The following NFASC variants were observed in gnomAD, a reference collection of about 807,000 sequenced individuals.
The protein encoded by NFASC is neurofascin homolog.
In NFASC, 43 loss-of-function variants were observed where a neutral mutation model predicts 147.5. That is an observed-to-expected ratio of 0.29 (90% confidence interval 0.23 to 0.38). The LOEUF (loss-of-function observed/expected upper bound fraction) is 0.38, where lower values mean the gene tolerates loss of function less well. Among genes scored for constraint, NFASC ranks in the 10% least tolerant of loss-of-function variants. NFASC has a pLI of 1.00. For missense variants in NFASC, 1,320 were observed against 1,689.0 expected (o/e 0.78, Z 3.83); for synonymous variants, 622 against 665.5 (o/e 0.93, Z 1.01).
intron 25 of NFASC, chr1:204,999,409 T>C (rs1220248271): frequency 6.6e-6 from 1 of 152,200 alleles, no homozygotes; most frequent in African/African-American, 2.4e-5. Flanking sequence ...CAATTTCATA[T>C]TGGTGGCCAG....
At chr1:204,888,914 G>A (rs904813295) in intron 1 of NFASC, among the ~76,000 whole-genome samples, 9 of 152,178 alleles carry the variant, frequency 5.9e-5, no homozygotes, top group African/African-American at 2.2e-4. Context: ...AGAGTTAGAG[G>A]AGGCAATGGG....
Position 204,981,670 on chromosome 1 carries a change from C to T in NFASC, c.2248-128C>T, listed in dbSNP as rs72753420. On this transcript the variant is annotated intron_variant, in intron 20 of 29. Coordinates refer to ENST00000339876, the MANE Select transcript of NFASC (RefSeq NM_001005388.3). ...GGTGGGGGATATGGTCTTCCCTACCCTGCAAGGGGGCAGGCCAGTGTTGGG... is the reference window on the plus strand; with the variant it reads ...GGTGGGGGATATGGTCTTCCCTACCTTGCAAGGGGGCAGGCCAGTGTTGGG... The T allele has an allele frequency of 6.6e-3, 3,719 of 563,352 alleles. 31 individuals carry two copies. The highest frequency in any genetic ancestry group is 0.014 in the East Asian group (408 of 29,688). 34.9% of individuals were successfully genotyped at this position (563,352 alleles called of 1,614,324 possible). A position where few individuals can be genotyped will look rare whatever the true frequency, so the allele number is the denominator to read the frequency against.
intron 7 of NFASC, among the ~76,000 whole-genome samples, chr1:204,957,126 A>C (rs1352340344): frequency 6.6e-6 from 1 of 152,258 alleles, no homozygotes; most frequent in Non-Finnish European, 1.5e-5. Context: ...ATAATTGATG[A>C]TTACATTTTT....
In NFASC at chr1:205,020,403, A is replaced by G. The variant is rs1184976148; in HGVS notation, c.*3864A>G. The G allele has an allele frequency of 6.6e-6, 1 of 152,320 alleles. No homozygotes were observed. Among genetic ancestry groups the G allele is most frequent in the Non-Finnish European group, 1.5e-5 (1 of 68,076 alleles). The allele number at this position is 152,320 out of a possible 1,614,324, so 9.4% of individuals were successfully genotyped here. On this transcript the variant is annotated 3_prime_UTR_variant, in exon 30 of 30. Coordinates refer to ENST00000339876, the MANE Select transcript of NFASC (RefSeq NM_001005388.3). ...TCCAAGGGATAGCGATCCAGATTCCAACATTGTCTTGGAGAGGGTTAGTCC... is the reference window on the plus strand; with the variant it reads ...TCCAAGGGATAGCGATCCAGATTCCGACATTGTCTTGGAGAGGGTTAGTCC...
chr1:204,981,874 C>A lies in NFASC; in HGVS notation c.2324C>A (p.Ala775Asp), dbSNP rs981501899. 2 of 1,606,258 alleles carry A rather than the reference C, an allele frequency of 1.2e-6. No homozygotes were observed. The highest frequency in any genetic ancestry group is 1.7e-6 in the Non-Finnish European group (2 of 1,176,508). Residue 775 changes from alanine (A) to aspartate (D), a missense_variant, in exon 21 of 30, where the codon GCC becomes GAC. Transcript: ENST00000339876. The stretch of plus-strand genomic sequence containing the variant: ...TGGAGGCGGAGAGAGACTCGAGAGG[C>A]CTGGAACAACGTCACAGTGTGGGGC... ...VKWRRRETRE[A>D]WNNVTVWGSR...
intron 25 of NFASC, chr1:204,999,960 T>G (rs1574352822): frequency 6.6e-6 from 1 of 152,230 alleles, no homozygotes; most frequent in South Asian, 2.1e-4. Context: ...ATTAAATCTT[T>G]GCTGGAAAAT....
chr1:204,928,000 G>C (rs1464339653), intron 2 of NFASC, among the ~76,000 whole-genome samples: 1 of 152,184 alleles, frequency 6.6e-6, no homozygotes. Flanking sequence ...CCTCCCCAGA[G>C]GGGGGAGTTC....
Position 204,987,311 on chromosome 1 carries a change from G to T in NFASC, c.2471-107G>T, listed in dbSNP as rs2095636055. 3.7e-6 allele frequency: 4 copies of T among 1,076,416 alleles called. No individual in the cohort carries two copies. Among genetic ancestry groups the T allele is most frequent in the Non-Finnish European group, 5.5e-6 (4 of 730,702 alleles). 66.7% of individuals were successfully genotyped at this position (1,076,416 alleles called of 1,614,324 possible). ...CAGTTTAGCAGTGTCGAGCATGGGG[G>T]TTGTCCAGAGGTCAATGCCTTCATA... On this transcript the variant is annotated intron_variant, in intron 21 of 29. Coordinates refer to ENST00000339876, the MANE Select transcript of NFASC (RefSeq NM_001005388.3). The surrounding 1 kb of genome is among the most constrained non-coding windows in gnomAD (Gnocchi z 4.4).
chr1:204,894,316 T>A (rs1350089854), intron 1 of NFASC, among the ~76,000 whole-genome samples: 4 of 152,224 alleles, frequency 2.6e-5, no homozygotes, highest in Non-Finnish European at 5.9e-5. Flanking sequence ...AATCATGTCT[T>A]ATCCCTTGGA....
At position 205,001,118 on chromosome 1, in the gene NFASC, T is replaced by C. The variant is rs2095974524; in HGVS notation, c.3020-52T>C. The C allele has an allele frequency of 2.8e-6, 3 of 1,067,612 alleles. No individual in the cohort carries two copies. In the Admixed American group the frequency reaches 5.8e-5, roughly 21 times the overall value. 66.1% of individuals were successfully genotyped at this position (1,067,612 alleles called of 1,614,324 possible). On this transcript the variant is annotated intron_variant, in intron 25 of 29. Coordinates refer to ENST00000339876, the MANE Select transcript of NFASC (RefSeq NM_001005388.3). Reference sequence around the variant, plus strand: ...GTGTGTATGTGTGTGTCTCCATATCTCTGGTGCCACTCCCTCCTCATCACT... The same window carrying C: ...GTGTGTATGTGTGTGTCTCCATATCCCTGGTGCCACTCCCTCCTCATCACT...
At chr1:204,906,477 T>G in intron 1 of NFASC, among the ~76,000 whole-genome samples, 1 of 152,220 alleles carries the variant, frequency 6.6e-6, no homozygotes, top group East Asian at 1.9e-4. Context: ...GAGACTGGCT[T>G]CTTTTACTTC....
intron 1 of NFASC, among the ~76,000 whole-genome samples, chr1:204,886,311 A>G (rs74549300): frequency 2.0e-5 from 3 of 152,088 alleles, no homozygotes; most frequent in Non-Finnish European, 2.9e-5. Flanking sequence ...TATGATTTTT[A>G]AAAAAAATTA....
chr1:204,954,717 T>C lies in NFASC; in HGVS notation c.413-112T>C. 7.7e-7 allele frequency: 1 copy of C among 1,299,908 alleles called. No homozygotes were observed. Among genetic ancestry groups the C allele is most frequent in the Non-Finnish European group, 1.1e-6 (1 of 921,410 alleles). The allele number at this position is 1,299,908 out of a possible 1,614,324, so 80.5% of individuals were successfully genotyped here. On this transcript the variant is annotated intron_variant, in intron 6 of 29. Coordinates refer to ENST00000339876, the MANE Select transcript of NFASC (RefSeq NM_001005388.3). This position sits in a 1 kb window ranked among gnomAD's most constrained non-coding sequence, Gnocchi z 5.7. ...CCGTCCCTCTCTCTTGCTCCCTCCT[T>C]CTCCAGGTGCCCCTTCTGTTTCTCC... is the stretch of plus-strand genomic sequence containing the variant.
rs189303311 is a variant in NFASC, at chr1:204,977,025, C to T, written c.1831+230C>T. On this transcript the variant is annotated intron_variant, in intron 16 of 29. Transcript: ENST00000339876. Reference sequence around the variant, plus strand: ...TGGAGTCATTAACTTCCCCACGTCTCAACTGAAAGGGGCCTGAGTGATATA... The same window carrying T: ...TGGAGTCATTAACTTCCCCACGTCTTAACTGAAAGGGGCCTGAGTGATATA... 724 of 1,298,500 alleles carry T rather than the reference C, an allele frequency of 5.6e-4. 6 individuals are homozygous for T. In the African/African-American group the frequency reaches 0.01, roughly 18 times the overall value. 80.4% of individuals were successfully genotyped at this position (1,298,500 alleles called of 1,614,324 possible).
chr1:204,936,171 A>G (rs746194865), intron 2 of NFASC, among the ~76,000 whole-genome samples: 2 of 146,662 alleles, frequency 1.4e-5, no homozygotes, highest in African/African-American at 5.0e-5. Context: ...AAAACCTAGC[A>G]TTAACAGATT....
At chr1:204,856,269 A>G (rs2076145475) in intron 1 of NFASC, among the ~76,000 whole-genome samples, 5 of 152,090 alleles carry the variant, frequency 3.3e-5, no homozygotes, top group Admixed American at 2.6e-4. Flanking sequence ...GCTGTTGCAG[A>G]CAAAGCTTCC....
chr1:205,010,897 C>G lies in NFASC; in HGVS notation c.3421+1209C>G, dbSNP rs569622746. On this transcript the variant is annotated intron_variant, in intron 28 of 29. Transcript: ENST00000339876. The surrounding 1 kb of genome is among the most constrained non-coding windows in gnomAD (Gnocchi z 4.1). ...CAGCCTGGGCGGCAGAGCAAGACTCCGTCTCAAAAAAGGAAAAAAAAAAAA... is the reference window on the plus strand; with the variant it reads ...CAGCCTGGGCGGCAGAGCAAGACTCGGTCTCAAAAAAGGAAAAAAAAAAAA... 2 of 143,476 alleles carry G rather than the reference C, an allele frequency of 1.4e-5. No individual in the cohort carries two copies. Among genetic ancestry groups the G allele is most frequent in the Non-Finnish European group, 3.1e-5 (2 of 64,694 alleles). 8.9% of individuals were successfully genotyped at this position (143,476 alleles called of 1,614,324 possible).
At position 205,022,496 on chromosome 1, in the gene NFASC, C is replaced by G. The variant is rs771255337; in HGVS notation, c.*5957C>G. ...CATATCCACACACACACAAATTGGT[C>G]TGATCTTTTTTCCATTGGTTAAACA... On this transcript the variant is annotated 3_prime_UTR_variant, in exon 30 of 30. Transcript: ENST00000339876. 1 of 152,508 alleles carries G rather than the reference C, an allele frequency of 6.6e-6. No individual in the cohort carries two copies. The highest frequency in any genetic ancestry group is 1.5e-5 in the Non-Finnish European group (1 of 68,028). The allele number at this position is 152,508 out of a possible 1,614,324, so 9.4% of individuals were successfully genotyped here. A position where few individuals can be genotyped will look rare whatever the true frequency, so the allele number is the denominator to read the frequency against.
At chr1:204,905,371 T>G (rs769392345) in intron 1 of NFASC, among the ~76,000 whole-genome samples, 71 of 70,212 alleles carry the variant, frequency 1.0e-3, no homozygotes, top group Middle Eastern at 0.013. Flanking sequence ...TTATTTTCAG[T>G]TTTTTTTTTT....
Sources: allele counts gnomAD v4.1 joint callset (sites outside exome capture counted in the v4.1 genomes callset), GRCh38; gene constraint gnomAD v4.1.1; non-coding constraint Gnocchi (gnomAD v3.1); transcripts MANE v1.5; gene names NCBI Gene and HGNC (gene_info 2026-07-23, HGNC 2026-07-21).